The following MSI2 variants were observed in gnomAD, a reference collection of about 807,000 sequenced individuals.
MSI2 encodes musashi RNA binding protein 2.
A neutral mutation model predicts 45.6 loss-of-function variants in MSI2; 17 were observed. The ratio of observed to expected loss-of-function variants is 0.37; its 90% CI spans 0.26 to 0.56. MSI2 has a LOEUF of 0.56. Ranked by LOEUF, MSI2 falls within the 20% of genes least tolerant of loss-of-function variation. MSI2 has a pLI of 0.77. For missense variants in MSI2, 293 were observed against 444.2 expected (o/e 0.66, Z 3.06); for synonymous variants, 156 against 158.2 (o/e 0.99, Z 0.11).
intron 6 of MSI2, among the ~76,000 whole-genome samples, chr17:57,406,527 C>T (rs558724666): frequency 1.3e-5 from 2 of 152,282 alleles, no homozygotes; most frequent in South Asian, 2.1e-4. Flanking sequence ...AGCTCAGTGC[C>T]GAGCTCGCTA....
intron 5 of MSI2, among the ~76,000 whole-genome samples, chr17:57,353,139 A>G (rs149632734): frequency 5.3e-5 from 8 of 152,274 alleles, no homozygotes; most frequent in African/African-American, 1.9e-4. Context: ...GCTCCCGAAA[A>G]TGCGCTCTCC....
chr17:57,272,300 C>A (rs558910969), intron 5 of MSI2, among the ~76,000 whole-genome samples: 2 of 152,160 alleles, frequency 1.3e-5, no homozygotes, highest in Non-Finnish European at 2.9e-5. Flanking sequence ...TTCAACTTAG[C>A]GGCATTTTGT....
At chr17:57,653,040 G>A (rs1367473807) in intron 11 of MSI2, among the ~76,000 whole-genome samples, 1 of 152,168 alleles carries the variant, frequency 6.6e-6, no homozygotes, top group East Asian at 1.9e-4. Flanking sequence ...CCACGGACAG[G>A]GCTCTGGAGC....
intron 6 of MSI2, among the ~76,000 whole-genome samples, chr17:57,467,438 G>A (rs571021961): frequency 1.5e-4 from 23 of 152,310 alleles, no homozygotes; most frequent in African/African-American, 4.8e-4. Flanking sequence ...CGAATGAAAG[G>A]AATGGCAGAT....
intron 5 of MSI2, among the ~76,000 whole-genome samples, chr17:57,345,600 C>T (rs1045455234): frequency 2.6e-5 from 4 of 152,002 alleles, no homozygotes; most frequent in Non-Finnish European, 4.4e-5. Context: ...GAGTGGATCA[C>T]CTGAGGTCAG....
At chr17:57,387,147 C>T (rs373190198) in intron 5 of MSI2, among the ~76,000 whole-genome samples, 8 of 152,262 alleles carry the variant, frequency 5.3e-5, no homozygotes, top group South Asian at 2.1e-4. Flanking sequence ...CTGGGTTGGG[C>T]GCATTGGGGA....
At chr17:57,617,589 ATGTTTT>A (rs1269302380) in intron 9 of MSI2, among the ~76,000 whole-genome samples, 5 of 152,078 alleles carry the variant, frequency 3.3e-5, no homozygotes, top group African/African-American at 1.2e-4. Context: ...TTAGGTCTTT[ATGTTTT>A]ATATCAAAAG....
At chr17:57,388,958 C>CTCTTCT (rs1000827740) in intron 5 of MSI2, among the ~76,000 whole-genome samples, 1 of 140,940 alleles carries the variant, frequency 7.1e-6, no homozygotes, top group Non-Finnish European at 1.5e-5. Flanking sequence ...CTAGCCCCTG[C>CTCTTCT]TCTTCTTCTT....
intron 6 of MSI2, among the ~76,000 whole-genome samples, chr17:57,460,716 T>C: frequency 6.6e-6 from 1 of 152,056 alleles, no homozygotes; most frequent in East Asian, 1.9e-4. Context: ...GTCCCAGTGG[T>C]GCTAGGAAAC....
chr17:57,625,001 C>A (rs1908666014), intron 9 of MSI2, among the ~76,000 whole-genome samples: 1 of 152,082 alleles, frequency 6.6e-6, no homozygotes, highest in East Asian at 1.9e-4. Context: ...CTGGTGAGGG[C>A]CCGCTTCCTC....
chr17:57,505,688 C>A (rs909481121), intron 6 of MSI2, among the ~76,000 whole-genome samples: 4 of 151,956 alleles, frequency 2.6e-5, no homozygotes, highest in African/African-American at 7.3e-5. Context: ...TAAAGCTATG[C>A]CAGTGGTTAT....
chr17:57,504,333 G>A (rs937586508), intron 6 of MSI2, among the ~76,000 whole-genome samples: 18 of 152,074 alleles, frequency 1.2e-4, no homozygotes, highest in African/African-American at 4.3e-4. Context: ...TTTCCCTTCT[G>A]TGGAACACAG....
chr17:57,495,838 T>C (rs1427012261), intron 6 of MSI2, among the ~76,000 whole-genome samples: 1 of 152,242 alleles, frequency 6.6e-6, no homozygotes. Flanking sequence ...TCGGCTGCTG[T>C]CATTTTTGAT....
At chr17:57,525,847 G>A (rs17821757) in intron 6 of MSI2, among the ~76,000 whole-genome samples, 3,391 of 152,288 alleles carry the variant, frequency 0.022, 94 homozygotes, top group East Asian at 0.085. Flanking sequence ...AGGTGAGCGC[G>A]TTGTCAACAT....
intron 5 of MSI2, among the ~76,000 whole-genome samples, chr17:57,297,020 C>T (rs868037959): frequency 2.6e-5 from 4 of 151,860 alleles, no homozygotes; most frequent in Admixed American, 6.6e-5. Context: ...GACTACAGGC[C>T]CGCGCCACCA....
chr17:57,571,782 C>G (rs535847285), intron 7 of MSI2, among the ~76,000 whole-genome samples: 2 of 152,190 alleles, frequency 1.3e-5, no homozygotes, highest in African/African-American at 4.8e-5. Context: ...TTCTTTTCCT[C>G]TCTGTTCCCA....
At position 57,378,456 on chromosome 17, in the gene MSI2, G is replaced by A. The variant is rs373450308; in HGVS notation, c.313-22923G>A. Reference sequence around the variant, plus strand: ...TTTTTCTATTTTTAGTAGAGGTGGAGCTTCACCATGTTGGCCAGGCTGGTG... The same window carrying A: ...TTTTTCTATTTTTAGTAGAGGTGGAACTTCACCATGTTGGCCAGGCTGGTG... On this transcript the variant is annotated intron_variant, in intron 5 of 13. Coordinates refer to ENST00000284073, the MANE Select transcript of MSI2 (RefSeq NM_138962.4). 1.6e-4 allele frequency among the ~76,000 whole-genome samples: 25 copies of A among 152,248 alleles called. No individual in the cohort carries two copies. In the East Asian group the frequency reaches 4.1e-3, roughly 25 times the overall value.
At chr17:57,370,510 C>A (rs917969012) in intron 5 of MSI2, among the ~76,000 whole-genome samples, 2 of 152,176 alleles carry the variant, frequency 1.3e-5, no homozygotes, top group African/African-American at 4.8e-5. Flanking sequence ...TTCTTTTCTG[C>A]CCAGAGACCA....
In MSI2 at chr17:57,683,518, C is replaced by T. The variant is rs185251995; in HGVS notation, c.*4001C>T. 2.6e-5 allele frequency: 6 copies of T among 230,314 alleles called. No individual in the cohort carries two copies. The highest frequency in any genetic ancestry group is 1.1e-4 in the Admixed American group (2 of 17,676). The allele number at this position is 230,314 out of a possible 1,614,324, so 14.3% of individuals were successfully genotyped here. A position where few individuals can be genotyped will look rare whatever the true frequency, so the allele number is the denominator to read the frequency against. On this transcript the variant is annotated 3_prime_UTR_variant, in exon 14 of 14. Transcript: ENST00000284073. The surrounding 1 kb of genome is among the most constrained non-coding windows in gnomAD (Gnocchi z 5.2). Reference sequence around the variant, plus strand: ...AGCATATTCAAGAATAAAGCAATATCGTTTACTACATTTTTTATTGAAGGT... The same window carrying T: ...AGCATATTCAAGAATAAAGCAATATTGTTTACTACATTTTTTATTGAAGGT...
Sources: gnomAD v4.1 joint callset for allele counts (sites outside exome capture counted in the v4.1 genomes callset) on GRCh38, gnomAD v4.1.1 for gene constraint, Gnocchi (gnomAD v3.1) non-coding constraint, MANE v1.5 for transcripts, NCBI Gene and HGNC (gene_info 2026-07-23, HGNC 2026-07-21) for gene names.